NAALADL2: variants seen among roughly 807,000 people sequenced by gnomAD.
NAALADL2 encodes the protein N-acetylated alpha-linked acidic dipeptidase like 2, also known as inactive N-acetylated-alpha-linked acidic dipeptidase-like protein 2.
Under a neutral mutation model 87.2 loss-of-function variants are expected in NAALADL2, and 76 were observed. The observed-to-expected ratio is 0.87, with a 90% CI of 0.72 to 1.05. The LOEUF (loss-of-function observed/expected upper bound fraction) is 1.05, where lower values mean the gene tolerates loss of function less well. Ranked by LOEUF, NAALADL2 falls within the 50% of genes least tolerant of loss-of-function variation. The probability of loss-of-function intolerance (pLI) is 0.00; values close to 1 mark genes in which losing one functional copy is unlikely to be tolerated. For synonymous variants in NAALADL2, 354 were observed against 331.0 expected (o/e 1.07, Z -0.75); for missense variants, 1,089 against 945.8 (o/e 1.15, Z -1.99).
intron 2 of NAALADL2, among the ~76,000 whole-genome samples, chr3:174,553,356 C>T (rs1053133494): frequency 3.3e-5 from 5 of 151,982 alleles, no homozygotes; most frequent in South Asian, 2.1e-4. Context: ...ATAGTTTATG[C>T]GGAAGAAAAC....
Position 175,810,502 on chromosome 3 carries a change from AATGTTT to A in NAALADL2, c.*7301_*7306del, listed in dbSNP as rs1453161088. On this transcript the variant is annotated 3_prime_UTR_variant, in exon 14 of 14. Coordinates refer to ENST00000454872, the MANE Select transcript of NAALADL2 (RefSeq NM_207015.3). ...TTCATGAGTTTGTACGTGAAATGTT[AATGTTT>A]AAAACACCCATTTTGAAATTATTAA... 6.6e-6 allele frequency: 1 copy of A among 152,060 alleles called. No individual in the cohort carries two copies. The highest frequency in any genetic ancestry group is 1.5e-5 in the Non-Finnish European group (1 of 67,970). 9.4% of individuals were successfully genotyped at this position (152,060 alleles called of 1,614,324 possible).
chr3:174,673,609 A>G (rs1232343245), intron 2 of NAALADL2, among the ~76,000 whole-genome samples: 1 of 148,478 alleles, frequency 6.7e-6, no homozygotes, highest in Non-Finnish European at 1.5e-5. Context: ...TCATGGAGGT[A>G]GAGAGTAGAA....
intron 9 of NAALADL2, among the ~76,000 whole-genome samples, chr3:175,501,988 A>G (rs981823820): frequency 2.6e-5 from 4 of 152,136 alleles, no homozygotes; most frequent in Non-Finnish European, 5.9e-5. Context: ...AAGCGATAGT[A>G]AGATCAAAAA....
intron 5 of NAALADL2, among the ~76,000 whole-genome samples, chr3:175,413,005 G>C (rs1677622946): frequency 1.3e-5 from 2 of 148,930 alleles, no homozygotes; most frequent in African/African-American, 4.9e-5. Context: ...CTCAAGCTCC[G>C]CCTCCCGGGT....
chr3:175,252,322 A>T (rs1749198950), intron 3 of NAALADL2, among the ~76,000 whole-genome samples: 1 of 152,030 alleles, frequency 6.6e-6, no homozygotes, highest in Admixed American at 6.6e-5. Flanking sequence ...CATTATGGTT[A>T]TATGTGTTAG....
At chr3:175,614,133 A>G (rs9815482) in intron 10 of NAALADL2, among the ~76,000 whole-genome samples, 5,148 of 152,146 alleles carry the variant, frequency 0.034, 283 homozygotes, top group African/African-American at 0.12. Flanking sequence ...GCTCACCGCA[A>G]CCTCCACCTC....
rs1723425073 is a variant in NAALADL2, at chr3:174,837,145, T to A, written c.-9+99399T>A. On this transcript the variant is annotated intron_variant, in intron 3 of 3. Transcript: ENST00000434257. ...AGCAGAAGAAAGGAAATAACCAATATCAGAGCAGAACTAAATGAAATTGAA... is the reference window on the plus strand; with the variant it reads ...AGCAGAAGAAAGGAAATAACCAATAACAGAGCAGAACTAAATGAAATTGAA... Among the ~76,000 whole-genome samples, 3 of 151,068 alleles carry A rather than the reference T, an allele frequency of 2.0e-5. No individual in the cohort carries two copies. The South Asian group carries it at 6.3e-4, about 32-fold the overall frequency.
chr3:174,782,614 C>T (rs1716124139), intron 3 of NAALADL2, among the ~76,000 whole-genome samples: 1 of 151,714 alleles, frequency 6.6e-6, no homozygotes, highest in Admixed American at 6.6e-5. Context: ...GAAGAAATAC[C>T]CGAGACTGCG....
rs182877770 is a variant in NAALADL2, at chr3:174,817,546, G to C, written c.-9+79800G>C. On this transcript the variant is annotated intron_variant, in intron 3 of 3. Coordinates refer to the NAALADL2 transcript ENST00000434257. ...GAGCACGGGAGTTCCAGGTGGCACT[G>C]AGCTGTGATTGTACCACTGCACTTC... is the stretch of plus-strand genomic sequence containing the variant. Among the ~76,000 whole-genome samples, 183 of 152,300 alleles carry C rather than the reference G, an allele frequency of 1.2e-3. 1 individual carries two copies. Among genetic ancestry groups the C allele is most frequent in the African/African-American group, 4.4e-3 (181 of 41,570 alleles).
intron 3 of NAALADL2, among the ~76,000 whole-genome samples, chr3:174,835,356 G>A (rs1723201597): frequency 6.6e-6 from 1 of 152,084 alleles, no homozygotes; most frequent in Non-Finnish European, 1.5e-5. Flanking sequence ...CGGTTAACTT[G>A]AAATGGATCA....
At chr3:175,248,528 ATCTCTC>A (rs113284400) in intron 3 of NAALADL2, among the ~76,000 whole-genome samples, 40 of 150,962 alleles carry the variant, frequency 2.6e-4, no homozygotes, top group African/African-American at 9.7e-4. Context: ...CCAAATACAA[ATCTCTC>A]TCTCTCTCTC....
chr3:174,520,829 A>G (rs1174673279), intron 1 of NAALADL2, among the ~76,000 whole-genome samples: 1 of 152,234 alleles, frequency 6.6e-6, no homozygotes, highest in Non-Finnish European at 1.5e-5. Flanking sequence ...ACTAACATCC[A>G]GAATCTACAA....
intron 1 of NAALADL2, among the ~76,000 whole-genome samples, chr3:175,036,804 C>CT (rs10662446): frequency 0.28 from 32,702 of 117,154 alleles, 4,939 homozygotes; most frequent in East Asian, 0.39. Context: ...TCCATCTGTT[C>CT]TTTTTTTTTT....
chr3:174,687,160 A>T lies in NAALADL2; in HGVS notation c.-114-50481A>T, dbSNP rs78141958. The stretch of plus-strand genomic sequence containing the variant: ...CACCAACTTTTCTCATTTCTTTATC[A>T]CAAACTTGGTTAGTCTTCCTGATCC... On this transcript the variant is annotated intron_variant, in intron 2 of 3. Transcript: ENST00000434257. 1.9e-3 allele frequency among the ~76,000 whole-genome samples: 295 copies of T among 152,132 alleles called. 3 individuals are homozygous for T. The highest frequency in any genetic ancestry group is 6.7e-3 in the African/African-American group (278 of 41,506).
chr3:175,219,587 C>T (rs910094382), intron 2 of NAALADL2, among the ~76,000 whole-genome samples: 1 of 152,090 alleles, frequency 6.6e-6, no homozygotes, highest in Non-Finnish European at 1.5e-5. Context: ...TTTTGTCTAA[C>T]CAAGATAGTA....
intron 1 of NAALADL2, among the ~76,000 whole-genome samples, chr3:175,081,934 C>A (rs937095783): frequency 1.3e-5 from 2 of 152,174 alleles, no homozygotes; most frequent in Non-Finnish European, 2.9e-5. Flanking sequence ...TTGTGGAACA[C>A]ATACTCTGTC....
At chr3:174,621,356 A>G (rs1342153466) in intron 2 of NAALADL2, among the ~76,000 whole-genome samples, 1 of 152,124 alleles carries the variant, frequency 6.6e-6, no homozygotes, top group East Asian at 1.9e-4. Context: ...TAGCAGTTGG[A>G]TCATTTTCTG....
At chr3:174,646,319 T>C (rs1723778711) in intron 2 of NAALADL2, among the ~76,000 whole-genome samples, 1 of 152,110 alleles carries the variant, frequency 6.6e-6, no homozygotes, top group African/African-American at 2.4e-5. Context: ...TATTAAGTCA[T>C]GGGATAGTAT....
At chr3:175,413,214 C>T (rs543395410) in intron 5 of NAALADL2, among the ~76,000 whole-genome samples, 1 of 144,236 alleles carries the variant, frequency 6.9e-6, no homozygotes, top group Non-Finnish European at 1.5e-5. Context: ...CTGGCTAACA[C>T]AGTGAAACCC....
Sources: allele counts gnomAD v4.1 joint callset (sites outside exome capture counted in the v4.1 genomes callset), GRCh38; gene constraint gnomAD v4.1.1; transcripts MANE v1.5; gene names NCBI Gene and HGNC (gene_info 2026-07-23, HGNC 2026-07-21).